Variants in KIRREL3 observed in about 807,000 individuals in gnomAD.
KIRREL3 encodes the protein kin of IRRE-like protein 3.
A neutral mutation model predicts 89.7 loss-of-function variants in KIRREL3; 36 were observed. The ratio of observed to expected loss-of-function variants is 0.40; its 90% confidence interval spans 0.31 to 0.53. The LOEUF (loss-of-function observed/expected upper bound fraction) is 0.53, where lower values mean the gene tolerates loss of function less well. Ranked by LOEUF, KIRREL3 falls within the 20% of genes least tolerant of loss-of-function variation. KIRREL3 has a pLI of 0.49. For synonymous variants in KIRREL3, 445 were observed against 441.4 expected (o/e 1.01, Z -0.10); for missense variants, 864 against 1,056.6 (o/e 0.82, Z 2.53).
In KIRREL3 at chr11:126,814,209, C is replaced by CATCTCAT. The variant is rs1565320145; in HGVS notation, c.55+186239_55+186245dup. On this transcript the variant is annotated intron_variant, in intron 1 of 16. Transcript: ENST00000525144. The surrounding 1 kb of genome is among the most constrained non-coding windows in gnomAD (Gnocchi z 4.4). ...GCAAATAAAAACCACAATGACATACCATCTCATGCCAGGCAGAATGGCTTT... is the reference window on the plus strand; with the variant it reads ...GCAAATAAAAACCACAATGACATACCATCTCATATCTCATGCCAGGCAGAATGGCTTT... Among the ~76,000 whole-genome samples, 1 of 151,708 alleles carries CATCTCAT rather than the reference C, an allele frequency of 6.6e-6. No individual in the cohort carries two copies. The highest frequency in any genetic ancestry group is 2.4e-5 in the African/African-American group (1 of 41,332).
intron 13 of KIRREL3, among the ~76,000 whole-genome samples, chr11:126,434,999 C>T (rs938520811): frequency 1.3e-5 from 2 of 152,054 alleles, no homozygotes; most frequent in Non-Finnish European, 2.9e-5. Flanking sequence ...AGGAATGGAG[C>T]GGGGACGAGC....
chr11:126,787,742 C>T (rs911805796), intron 1 of KIRREL3, among the ~76,000 whole-genome samples: 5 of 152,082 alleles, frequency 3.3e-5, no homozygotes, highest in African/African-American at 7.2e-5. Flanking sequence ...CAGCTTGTGC[C>T]TTTGTTTCTG....
rs1958420167 is a variant in KIRREL3 at position 126,516,707 on chromosome 11, C to G, written c.433+4608G>C. On this transcript the variant is annotated intron_variant, in intron 4 of 16. Coordinates refer to ENST00000525144, the MANE Select transcript of KIRREL3 (RefSeq NM_032531.4). The surrounding 1 kb of genome is among the most constrained non-coding windows in gnomAD (Gnocchi z 4.9). Reference sequence around the variant, plus strand: ...TTGAAGAGATCAAGTGTAATGCCACCCTTACAACTCTGACCCTGGGACAGT... The same window carrying G: ...TTGAAGAGATCAAGTGTAATGCCACGCTTACAACTCTGACCCTGGGACAGT... Among the ~76,000 whole-genome samples the G allele has an allele frequency of 6.6e-6, 1 of 152,154 alleles. No individual in the cohort carries two copies. Among genetic ancestry groups the G allele is most frequent in the Non-Finnish European group, 1.5e-5 (1 of 68,030 alleles).
intron 12 of KIRREL3, 47 bp from the exon 13 acceptor site, chr11:126,435,350 AGGGTG>A: frequency 1.3e-6 from 2 of 1,531,476 alleles, no homozygotes; most frequent in Non-Finnish European, 1.8e-6. Context: ...CTGGCTGGCC[AGGGTG>A]GGGTGGGACT....
chr11:126,928,352 T>G (rs751671251), intron 1 of KIRREL3, among the ~76,000 whole-genome samples: 1 of 152,226 alleles, frequency 6.6e-6, no homozygotes, highest in Non-Finnish European at 1.5e-5. Flanking sequence ...AAAAGTTGAC[T>G]GGGGCCAGAT....
intron 1 of KIRREL3, among the ~76,000 whole-genome samples, chr11:126,937,392 C>T (rs149870369): frequency 6.6e-6 from 1 of 152,316 alleles, no homozygotes; most frequent in Non-Finnish European, 1.5e-5. Context: ...CATACACTAG[C>T]TCATCTATTC....
chr11:126,640,643 A>G lies in KIRREL3; in HGVS notation c.56-77731T>C, dbSNP rs1367963936. On this transcript the variant is annotated intron_variant, in intron 1 of 16. Transcript: ENST00000525144. This position sits in a 1 kb window ranked among gnomAD's most constrained non-coding sequence, Gnocchi z 4.9. ...CCTTACAGCATGGTCTTAAAGAGAC[A>G]CCCTCTCATATTACTTGCTGCTGTT... is the stretch of plus-strand genomic sequence containing the variant. 6.6e-6 allele frequency among the ~76,000 whole-genome samples: 1 copy of G among 152,064 alleles called. No homozygotes were observed. Among genetic ancestry groups the G allele is most frequent in the African/African-American group, 2.4e-5 (1 of 41,390 alleles).
chr11:126,670,121 T>A (rs1945869569), intron 1 of KIRREL3, among the ~76,000 whole-genome samples: 1 of 152,186 alleles, frequency 6.6e-6, no homozygotes, highest in Non-Finnish European at 1.5e-5. Context: ...CAAGCCTCCA[T>A]CAACTCTTGC....
rs1156998253 is a variant in KIRREL3 at position 126,682,337 on chromosome 11, C to G, written c.56-119425G>C. 6.6e-6 allele frequency among the ~76,000 whole-genome samples: 1 copy of G among 152,168 alleles called. No homozygotes were observed. Among genetic ancestry groups the G allele is most frequent in the Non-Finnish European group, 1.5e-5 (1 of 68,026 alleles). ...ACACTGAGCATGTAACTTAACCTCT[C>G]TGAAGCACAGTTTCCTCATCTGCAA... On this transcript the variant is annotated intron_variant, in intron 1 of 16. Coordinates refer to ENST00000525144, the MANE Select transcript of KIRREL3 (RefSeq NM_032531.4). This position sits in a 1 kb window ranked among gnomAD's most constrained non-coding sequence, Gnocchi z 4.8.
At chr11:126,951,095 C>G (rs1373529611) in intron 1 of KIRREL3, among the ~76,000 whole-genome samples, 1 of 152,148 alleles carries the variant, frequency 6.6e-6, no homozygotes, top group Non-Finnish European at 1.5e-5. Context: ...TCAGATAATC[C>G]CAGGCTCTGG....
intron 12 of KIRREL3, 109 bp from the exon 13 acceptor site, chr11:126,435,412 G>C: frequency 8.9e-7 from 1 of 1,119,938 alleles, no homozygotes. Context: ...TCCTTTCCCA[G>C]TCATGTCTCT....
chr11:126,634,931 G>T (rs544019956), intron 1 of KIRREL3, among the ~76,000 whole-genome samples: 1 of 152,270 alleles, frequency 6.6e-6, no homozygotes, highest in African/African-American at 2.4e-5. Flanking sequence ...GAGGGTATAT[G>T]CACCCAGGGA....
chr11:126,697,071 G>C lies in KIRREL3; in HGVS notation c.56-134159C>G, dbSNP rs1205682980. ...ACTGTTCTTTCGCTCAGGGTGCTCT[G>C]CCCTGCGACTCAGCCTCCTTCGGGC... On this transcript the variant is annotated intron_variant, in intron 1 of 16. Transcript: ENST00000525144. The surrounding 1 kb of genome is among the most constrained non-coding windows in gnomAD (Gnocchi z 4.2). Among the ~76,000 whole-genome samples the C allele has an allele frequency of 6.6e-6, 1 of 152,136 alleles. No individual in the cohort carries two copies.
rs1287973363 is a variant in KIRREL3, at chr11:126,430,337, C to T, written c.1697-1049G>A. On this transcript the variant is annotated intron_variant, in intron 14 of 16. Coordinates refer to ENST00000525144, the MANE Select transcript of KIRREL3 (RefSeq NM_032531.4). This position sits in a 1 kb window ranked among gnomAD's most constrained non-coding sequence, Gnocchi z 6.6. ...GCACACGCCTGTAATCCCAGCGACTCAGGAGGCTTAGGCACGAGAATCGCT... is the reference window on the plus strand; with the variant it reads ...GCACACGCCTGTAATCCCAGCGACTTAGGAGGCTTAGGCACGAGAATCGCT... 6.6e-6 allele frequency among the ~76,000 whole-genome samples: 1 copy of T among 152,012 alleles called. No individual in the cohort carries two copies. Among genetic ancestry groups the T allele is most frequent in the Admixed American group, 6.6e-5 (1 of 15,264 alleles).
rs573371088 is a variant in KIRREL3, at chr11:126,496,266, G to A, written c.434-22800C>T. 6.6e-6 allele frequency among the ~76,000 whole-genome samples: 1 copy of A among 152,338 alleles called. No homozygotes were observed. The highest frequency in any genetic ancestry group is 2.1e-4 in the South Asian group (1 of 4,824). On this transcript the variant is annotated intron_variant, in intron 4 of 16. Transcript: ENST00000525144. The surrounding 1 kb of genome is among the most constrained non-coding windows in gnomAD (Gnocchi z 4.9). The stretch of plus-strand genomic sequence containing the variant: ...TGCTCGGAACATTGAGAGGCACTGT[G>A]CTGTTTGCAAAATGCTTTCTATACA...
chr11:126,819,647 G>A (rs1232853688), intron 1 of KIRREL3, among the ~76,000 whole-genome samples: 1 of 152,240 alleles, frequency 6.6e-6, no homozygotes, highest in Admixed American at 6.5e-5. Flanking sequence ...AGACACTAGA[G>A]GAGGCAGGAA....
intron 1 of KIRREL3, among the ~76,000 whole-genome samples, chr11:126,637,821 A>T (rs1944324527): frequency 6.6e-6 from 1 of 152,250 alleles, no homozygotes; most frequent in Admixed American, 6.5e-5. Context: ...CACAATGTCT[A>T]CAATGTGCCA....
chr11:126,910,119 T>C (rs1390923838), intron 1 of KIRREL3, among the ~76,000 whole-genome samples: 4 of 152,100 alleles, frequency 2.6e-5, no homozygotes, highest in Non-Finnish European at 4.4e-5. Flanking sequence ...CTTTACAGTG[T>C]TTTGATTCTC....
chr11:126,991,115 C>G lies in KIRREL3; in HGVS notation c.55+9340G>C, dbSNP rs1012383666. 2.0e-5 allele frequency among the ~76,000 whole-genome samples: 3 copies of G among 152,206 alleles called. No homozygotes were observed. The highest frequency in any genetic ancestry group is 1.3e-4 in the Admixed American group (2 of 15,284). ...AGGACGCGATGGTTTCCTGTTGAAG[C>G]TGAGCAGTGGGTGGCTTGGCAGAGG... On this transcript the variant is annotated intron_variant, in intron 1 of 16. Transcript: ENST00000525144. The surrounding 1 kb of genome is among the most constrained non-coding windows in gnomAD (Gnocchi z 5.8).
Sources: gnomAD v4.1 joint callset for allele counts (sites outside exome capture counted in the v4.1 genomes callset) on GRCh38, gnomAD v4.1.1 for gene constraint, Gnocchi (gnomAD v3.1) non-coding constraint, MANE v1.5 for transcripts, NCBI Gene and HGNC (gene_info 2026-07-23, HGNC 2026-07-21) for gene names.